Variants in NRXN3 observed in about 807,000 individuals in gnomAD.
NRXN3 encodes neurexin III.
In NRXN3, 32 loss-of-function variants were observed where a neutral mutation model predicts 137.6. That is an observed-to-expected ratio of 0.23 (90% CI 0.18 to 0.31). The LOEUF is 0.31. Among genes scored for constraint, NRXN3 ranks in the 10% least tolerant of loss-of-function variants. NRXN3 has a pLI of 1.00. For synonymous variants in NRXN3, 798 were observed against 784.5 expected, an observed-to-expected ratio of 1.02 and a Z score of -0.29; for missense variants, 1,574 against 2,062.5, an observed-to-expected ratio of 0.76 and a Z score of 4.59.
chr14:78,763,649 G>A (rs1175993666), intron 8 of NRXN3, among the ~76,000 whole-genome samples: 1 of 152,114 alleles, frequency 6.6e-6, no homozygotes, highest in African/African-American at 2.4e-5. Flanking sequence ...GGCCCAGATG[G>A]AGGATATAGA....
intron 15 of NRXN3, among the ~76,000 whole-genome samples, chr14:79,040,753 G>A (rs2099623738): frequency 6.6e-6 from 1 of 152,158 alleles, no homozygotes; most frequent in African/African-American, 2.4e-5. Flanking sequence ...TGTCTCATGT[G>A]CATAAGGTGT....
rs76052070 is a variant in NRXN3, at chr14:79,579,842, A to T, written c.3445-83936A>T. 0.022 allele frequency among the ~76,000 whole-genome samples: 3,299 copies of T among 152,224 alleles called. 200 individuals are homozygous for T. In the East Asian group the frequency reaches 0.25, roughly 11 times the overall value. ...CTACTTTGAAATATACTTTGTTGCT[A>T]ACTATAGTCACCCTACTCTGCTATC... On this transcript the variant is annotated intron_variant, in intron 16 of 20. Transcript: ENST00000335750.
chr14:78,822,672 C>T (rs1290906658), intron 10 of NRXN3, among the ~76,000 whole-genome samples: 1 of 148,692 alleles, frequency 6.7e-6, no homozygotes, highest in African/African-American at 2.5e-5. Flanking sequence ...AAGATTCTAT[C>T]TCAAAAAACA....
chr14:79,077,933 G>T (rs1425849737), intron 15 of NRXN3, among the ~76,000 whole-genome samples: 1 of 152,072 alleles, frequency 6.6e-6, no homozygotes, highest in Non-Finnish European at 1.5e-5. Context: ...CTTTCCATTT[G>T]ATTTCAGTTG....
intron 4 of NRXN3, among the ~76,000 whole-genome samples, chr14:78,509,267 C>T (rs2096059500): frequency 6.6e-6 from 1 of 152,032 alleles, no homozygotes; most frequent in African/African-American, 2.4e-5. Context: ...CTACTGCACT[C>T]CAGCCTGGGC....
chr14:79,796,182 G>T lies in NRXN3; in HGVS notation c.4015-8930G>T, dbSNP rs936417708. ...ATGTAATCAACAGGCATCTGATCTA[G>T]ATTCTTAAAGATGGTGTGGTTTGGG... On this transcript the variant is annotated intron_variant, in intron 19 of 20. Coordinates refer to ENST00000335750, the MANE Select transcript of NRXN3 (RefSeq NM_001330195.2). Among the ~76,000 whole-genome samples, 3 of 152,278 alleles carry T rather than the reference G, an allele frequency of 2.0e-5. 1 individual carries two copies. The South Asian group carries it at 6.2e-4, about 32-fold the overall frequency.
At position 78,611,057 on chromosome 14, in the gene NRXN3, C is replaced by T. The variant is rs182656701; in HGVS notation, c.758-34063C>T. Reference sequence around the variant, plus strand: ...CCCCAACTCCATGCAGCATTTGCTCCCCCTCCACCCAACTCCTCCTTGCTT... The same window carrying T: ...CCCCAACTCCATGCAGCATTTGCTCTCCCTCCACCCAACTCCTCCTTGCTT... On this transcript the variant is annotated intron_variant, in intron 4 of 20. Coordinates refer to ENST00000335750, the MANE Select transcript of NRXN3 (RefSeq NM_001330195.2). 1.6e-3 allele frequency among the ~76,000 whole-genome samples: 250 copies of T among 152,246 alleles called. 4 individuals carry two copies. The highest frequency in any genetic ancestry group is 5.2e-4 in the Admixed American group (8 of 15,300).
At chr14:79,504,655 G>GTATGTA (rs1555491977) in intron 16 of NRXN3, among the ~76,000 whole-genome samples, 2 of 104,220 alleles carry the variant, frequency 1.9e-5, no homozygotes, top group African/African-American at 6.9e-5. Context: ...ATATATATAT[G>GTATGTA]TATATATATA....
intron 15 of NRXN3, among the ~76,000 whole-genome samples, chr14:79,285,783 A>T (rs1026993263): frequency 1.3e-5 from 2 of 152,156 alleles, no homozygotes; most frequent in Admixed American, 1.3e-4. Flanking sequence ...GGTACCAGGA[A>T]TAAAGCTTTG....
At chr14:79,487,202 G>A (rs1394205308) in intron 16 of NRXN3, among the ~76,000 whole-genome samples, 3 of 152,010 alleles carry the variant, frequency 2.0e-5, no homozygotes, top group South Asian at 2.1e-4. Flanking sequence ...TAAAGCACTC[G>A]GCTCACTGCC....
chr14:79,197,303 G>T lies in NRXN3; in HGVS notation c.3262+209162G>T, dbSNP rs1597150981. On this transcript the variant is annotated intron_variant, in intron 15 of 20. Coordinates refer to ENST00000335750, the MANE Select transcript of NRXN3 (RefSeq NM_001330195.2). ...CTTCATAGCCCTGCTGTAACCAGCTGGAAAATAAGAGAATGAACAGACAAA... is the reference window on the plus strand; with the variant it reads ...CTTCATAGCCCTGCTGTAACCAGCTTGAAAATAAGAGAATGAACAGACAAA... Among the ~76,000 whole-genome samples, 4 of 152,240 alleles carry T rather than the reference G, an allele frequency of 2.6e-5. No individual in the cohort carries two copies. The South Asian group carries it at 8.3e-4, about 32-fold the overall frequency.
chr14:78,676,411 A>T (rs1038425380), intron 6 of NRXN3, among the ~76,000 whole-genome samples: 3 of 152,174 alleles, frequency 2.0e-5, no homozygotes, highest in African/African-American at 7.2e-5. Flanking sequence ...TCTAGGTGGA[A>T]GATCAAACCA....
chr14:79,833,519 C>T (rs749548781), intron 20 of NRXN3, among the ~76,000 whole-genome samples: 13 of 152,036 alleles, frequency 8.6e-5, no homozygotes, highest in African/African-American at 2.7e-4. Context: ...TTGCTTGAGA[C>T]GGACAAAACC....
chr14:79,057,794 T>G (rs530330551), intron 15 of NRXN3, among the ~76,000 whole-genome samples: 1 of 152,224 alleles, frequency 6.6e-6, no homozygotes, highest in South Asian at 2.1e-4. Flanking sequence ...GTGGAGTGAT[T>G]GCCAACTGCT....
chr14:79,186,053 G>C (rs1359339843), intron 15 of NRXN3, among the ~76,000 whole-genome samples: 1 of 152,124 alleles, frequency 6.6e-6, no homozygotes, highest in African/African-American at 2.4e-5. Context: ...GTGTGGAGAT[G>C]TTCATGGTAC....
At chr14:79,635,907 C>A (rs571760976) in intron 16 of NRXN3, among the ~76,000 whole-genome samples, 1 of 151,982 alleles carries the variant, frequency 6.6e-6, no homozygotes, top group Non-Finnish European at 1.5e-5. Context: ...CCTTATGGAA[C>A]CATGAGATCT....
At chr14:79,832,579 G>A (rs2099327164) in intron 20 of NRXN3, among the ~76,000 whole-genome samples, 1 of 152,120 alleles carries the variant, frequency 6.6e-6, no homozygotes, top group African/African-American at 2.4e-5. Context: ...CATCTAGTGG[G>A]TAGAGGTCAG....
In NRXN3 at chr14:78,988,114, T is replaced by C; in HGVS notation, c.3235T>C (p.Ser1079Pro). Residue 1079 changes from serine (S) to proline (P), a missense_variant, in exon 15 of 21, where the codon TCT (serine) becomes CCT (proline). Around this residue, in one of 5 missense-constraint regions of NRXN3, gnomAD observed 718 missense variants for 887.6 expected, o/e 0.81. Transcript: ENST00000335750. Reference protein sequence around the residue: ...EGFTCDCSMTSYSGNQCNDPG... With the variant: ...EGFTCDCSMTPYSGNQCNDPG... ...CTTCACCTGTGATTGTTCTATGACC[T>C]CTTATTCTGGAAACCAGTGCAATGA... The C allele has an allele frequency of 6.2e-7, 1 of 1,613,930 alleles. No homozygotes were observed. Among genetic ancestry groups the C allele is most frequent in the Non-Finnish European group, 8.5e-7 (1 of 1,179,866 alleles).
At chr14:78,615,352 G>A (rs2097337233) in intron 4 of NRXN3, among the ~76,000 whole-genome samples, 1 of 151,506 alleles carries the variant, frequency 6.6e-6, no homozygotes, top group Non-Finnish European at 1.5e-5. Context: ...TATAATCCCA[G>A]CACTTTGGGA....
Sources: gnomAD v4.1 joint callset for allele counts (sites outside exome capture counted in the v4.1 genomes callset) on GRCh38, gnomAD v4.1.1 for gene constraint, gnomAD v4.1.1 regional missense constraint, MANE v1.5 for transcripts, NCBI Gene and HGNC (gene_info 2026-07-23, HGNC 2026-07-21) for gene names.